MS4A5: variants seen among roughly 807,000 people sequenced by gnomAD.
MS4A5 encodes membrane-spanning 4-domains subfamily A member 5.
In MS4A5, 15 loss-of-function variants were observed where a neutral mutation model predicts 18.2. That is an observed-to-expected ratio of 0.83 (90% CI 0.55 to 1.27). The LOEUF (loss-of-function observed/expected upper bound fraction) is 1.27, where lower values mean the gene tolerates loss of function less well. Among genes scored for constraint, MS4A5 ranks in the 50% most tolerant of loss-of-function variants. The probability of loss-of-function intolerance (pLI) is 0.00; values close to 1 mark genes in which losing one functional copy is unlikely to be tolerated. For synonymous variants in MS4A5, 89 were observed against 78.7 expected (o/e 1.13, Z -0.69); for missense variants, 232 against 225.7 (o/e 1.03, Z -0.18).
At chr11:60,443,807 A>G (rs964516300) in intron 4 of MS4A5, among the ~76,000 whole-genome samples, 2 of 152,276 alleles carry the variant, frequency 1.3e-5, no homozygotes, top group Middle Eastern at 3.4e-3. Context: ...TCAATACAAT[A>G]GCCAAGAACA....
chr11:60,443,143 AAAC>A (rs143304515), intron 4 of MS4A5, among the ~76,000 whole-genome samples: 4,287 of 152,190 alleles, frequency 0.028, 214 homozygotes, highest in African/African-American at 0.098. Context: ...TCCGTCTCAA[AAAC>A]AACAACAACA....
intron 4 of MS4A5, among the ~76,000 whole-genome samples, chr11:60,443,089 C>T (rs1418574410): frequency 2.6e-5 from 4 of 152,010 alleles, no homozygotes; most frequent in South Asian, 2.1e-4. Flanking sequence ...TGAAGTGAGC[C>T]GGGACTGCAC....
intron 4 of MS4A5, among the ~76,000 whole-genome samples, chr11:60,443,898 C>A (rs1308580404): frequency 1.3e-5 from 2 of 152,040 alleles, no homozygotes; most frequent in Non-Finnish European, 2.9e-5. Flanking sequence ...CAAAACTATG[C>A]AAAACCACCC....
intron 4 of MS4A5, among the ~76,000 whole-genome samples, chr11:60,444,537 C>T (rs937150145): frequency 1.7e-4 from 26 of 152,062 alleles, no homozygotes; most frequent in Non-Finnish European, 3.7e-4. Context: ...TCACAAAAGA[C>T]CCACATCCAG....
intron 3 of MS4A5, 133 bp from the exon 4 acceptor site, chr11:60,433,632 C>T (rs538613977): frequency 1.9e-5 from 15 of 782,942 alleles, no homozygotes; most frequent in Non-Finnish European, 2.7e-5. Flanking sequence ...GCAATTCGCA[C>T]AGGATCACAG....
intron 4 of MS4A5, among the ~76,000 whole-genome samples, chr11:60,443,194 A>C (rs3960568): frequency 0.57 from 87,169 of 151,982 alleles, 25,204 homozygotes; most frequent in Middle Eastern, 0.76. Flanking sequence ...AACAACTGAA[A>C]AAATTGACAG....
chr11:60,436,908 G>A (rs1247239119), intron 4 of MS4A5, among the ~76,000 whole-genome samples: 1 of 132,464 alleles, frequency 7.5e-6, no homozygotes, highest in East Asian at 2.1e-4. Context: ...TTCAGATTCA[G>A]GAAATACAGA....
rs1035436769 is a variant in MS4A5, at chr11:60,430,843, C to A, written c.201C>A (p.Ile67=). Residue 67 remains isoleucine, a synonymous_variant, in exon 2 of 5, where the codon ATC becomes ATA. Coordinates refer to ENST00000300190, the MANE Select transcript of MS4A5 (RefSeq NM_023945.3). ...TTATGACCTTTTCTTTTGGAGTTAT[C>A]TTCCTTTTCACCTTGTTAAAACCAT... The part of the protein sequence containing the change: ...FGIMTFSFGV[I]FLFTLLKPYP... 2.5e-6 allele frequency: 4 copies of A among 1,613,298 alleles called. No homozygotes were observed. In the African/African-American group the frequency reaches 5.3e-5, roughly 22 times the overall value.
chr11:60,431,206 G>A (rs772045747), intron 2 of MS4A5, among the ~76,000 whole-genome samples: 3 of 152,170 alleles, frequency 2.0e-5, no homozygotes, highest in Non-Finnish European at 4.4e-5. Context: ...CAGATACACA[G>A]AGAAAGGCAA....
At chr11:60,445,422 G>A (rs2086133632) in intron 4 of MS4A5, among the ~76,000 whole-genome samples, 3 of 151,992 alleles carry the variant, frequency 2.0e-5, no homozygotes, top group African/African-American at 7.3e-5. Context: ...GCCATGCCCA[G>A]CTAATTTTTT....
intron 4 of MS4A5, among the ~76,000 whole-genome samples, chr11:60,436,060 T>TC (rs1362912008): frequency 6.6e-6 from 1 of 152,078 alleles, no homozygotes; most frequent in East Asian, 1.9e-4. Flanking sequence ...GAGCAGTGGT[T>TC]CTCCCAGCTG....
Position 60,447,748 on chromosome 11 carries a change from C to T in MS4A5, c.592C>T (p.Gln198Ter). ...CCACTCAGAGGATTGTGATTGTGAA[C>T]AATGTTGTTGACTAGCACTGTGAGA... ...GCHSEDCDCEQCC is the reference protein window; with the variant it reads ...GCHSEDCDCE The change falls in exon 5 of 5, where the codon CAA becomes TAA. Residue 198 changes from glutamine to a stop codon, truncating the protein, a stop_gained. Transcript: ENST00000300190. LOFTEE classifies it high-confidence loss of function. 2 of 1,579,542 alleles carry T rather than the reference C, an allele frequency of 1.3e-6. No individual in the cohort carries two copies. The highest frequency in any genetic ancestry group is 1.7e-6 in the Non-Finnish European group (2 of 1,159,024).
chr11:60,437,949 C>A (rs1052000900), intron 4 of MS4A5, among the ~76,000 whole-genome samples: 1 of 152,094 alleles, frequency 6.6e-6, no homozygotes, highest in Non-Finnish European at 1.5e-5. Flanking sequence ...GAACTCTCCA[C>A]GCCAAATCAA....
intron 4 of MS4A5, among the ~76,000 whole-genome samples, chr11:60,446,868 TTC>T (rs1332472763): frequency 1.3e-5 from 2 of 152,092 alleles, no homozygotes; most frequent in East Asian, 1.9e-4. Context: ...CTATTTTTAG[TTC>T]TTTTTCCTGT....
At chr11:60,430,067 A>G (rs905454802) in intron 1 of MS4A5, among the ~76,000 whole-genome samples, 1 of 152,236 alleles carries the variant, frequency 6.6e-6, no homozygotes, top group Non-Finnish European at 1.5e-5. Context: ...GATAGTTGCT[A>G]TGGCAGTAAA....
At position 60,447,229 on chromosome 11, in the gene MS4A5, GCTATGCTATGCTATCCTATA is replaced by G. The variant is rs1156734556; in HGVS notation, c.493-400_493-381del. Among the ~76,000 whole-genome samples the G allele has an allele frequency of 7.0e-4, 105 of 150,450 alleles. 2 individuals carry two copies. The highest frequency in any genetic ancestry group is 2.9e-4 in the African/African-American group (12 of 40,714). The stretch of plus-strand genomic sequence containing the variant: ...CCTATGCTATGCTATGCTATCCTAT[GCTATGCTATGCTATCCTATA>G]CTATGCTATGCTATCCTATGGTATC... On this transcript the variant is annotated intron_variant, in intron 4 of 4. Transcript: ENST00000300190.
chr11:60,447,418 T>C (rs1281970322), intron 4 of MS4A5, among the ~76,000 whole-genome samples: 2 of 152,250 alleles, frequency 1.3e-5, no homozygotes, highest in Admixed American at 6.5e-5. Flanking sequence ...TGCTATGCTA[T>C]CCTAGGCTAT....
chr11:60,447,097 TATG>T (rs1243062511), intron 4 of MS4A5, among the ~76,000 whole-genome samples: 32 of 149,768 alleles, frequency 2.1e-4, no homozygotes, highest in African/African-American at 7.8e-4. Flanking sequence ...CTAGCTATGC[TATG>T]CTATGTTAGC....
At chr11:60,441,556 A>C (rs1337313052) in intron 4 of MS4A5, among the ~76,000 whole-genome samples, 1 of 151,264 alleles carries the variant, frequency 6.6e-6, no homozygotes, top group East Asian at 1.9e-4. Flanking sequence ...ACTATTTGTC[A>C]GCATAACCTA....
Sources: allele counts gnomAD v4.1 joint callset (sites outside exome capture counted in the v4.1 genomes callset), GRCh38; gene constraint gnomAD v4.1.1; transcripts MANE v1.5; gene names NCBI Gene and HGNC (gene_info 2026-07-23, HGNC 2026-07-21).